Variants in KCNQ1OT1 observed in about 807,000 individuals in gnomAD.
KCNQ1OT1 encodes KCNQ1 opposite strand/antisense transcript 1.
chr11:2,642,036 T>G lies in KCNQ1OT1; in HGVS notation n.57959A>C. 2.5e-6 allele frequency: 1 copy of G among 398,370 alleles called. No homozygotes were observed. The highest frequency in any genetic ancestry group is 4.4e-6 in the Non-Finnish European group (1 of 225,878). 24.7% of individuals were successfully genotyped at this position (398,370 alleles called of 1,614,324 possible). A position where few individuals can be genotyped will look rare whatever the true frequency, so the allele number is the denominator to read the frequency against. On this transcript the variant is annotated non_coding_transcript_exon_variant, in exon 1 of 1. Transcript: ENST00000597346. The surrounding 1 kb of genome is among the most constrained non-coding windows in gnomAD (Gnocchi z 4.3). ...CTGCTTTTAATGCTATAGCCTTATATTTTTAAATCAGGCAGTGTGATGCAT... is the reference window on the plus strand; with the variant it reads ...CTGCTTTTAATGCTATAGCCTTATAGTTTTAAATCAGGCAGTGTGATGCAT...
In KCNQ1OT1 at chr11:2,651,660, C is replaced by T; in HGVS notation, n.48335G>A. 1 of 398,686 alleles carries T rather than the reference C, an allele frequency of 2.5e-6. No individual in the cohort carries two copies. The highest frequency in any genetic ancestry group is 4.4e-6 in the Non-Finnish European group (1 of 226,090). The allele number at this position is 398,686 out of a possible 1,614,324, so 24.7% of individuals were successfully genotyped here. A position where few individuals can be genotyped will look rare whatever the true frequency, so the allele number is the denominator to read the frequency against. ...GGGTCTCTGTCTCTCCCACAGCTCA[C>T]TGACATTAGCCACGTGGCCCTCTGT... On this transcript the variant is annotated non_coding_transcript_exon_variant, in exon 1 of 1. Transcript: ENST00000597346. This position sits in a 1 kb window ranked among gnomAD's most constrained non-coding sequence, Gnocchi z 6.1.
exon 1 of KCNQ1OT1, chr11:2,666,225 C>T (rs918516617): frequency 8.0e-5 from 32 of 398,464 alleles, no homozygotes; most frequent in Middle Eastern, 6.2e-4. Flanking sequence ...AGGGAGCACC[C>T]GGCCCATTGA....
rs112187347 is a variant in KCNQ1OT1 at position 2,690,890 on chromosome 11, G to A, written n.9105C>T. On this transcript the variant is annotated non_coding_transcript_exon_variant, in exon 1 of 1. Coordinates refer to ENST00000597346, the Ensembl canonical transcript of KCNQ1OT1. The surrounding 1 kb of genome is among the most constrained non-coding windows in gnomAD (Gnocchi z 5.1). ...CACAGGAGTGTAAGCCACTGTTTCC[G>A]TCTGGGTTTTGTCATGTGTAGGTCC... 287 of 398,576 alleles carry A rather than the reference G, an allele frequency of 7.2e-4. No homozygotes were observed. The highest frequency in any genetic ancestry group is 5.4e-3 in the African/African-American group (264 of 48,708). The allele number at this position is 398,576 out of a possible 1,614,324, so 24.7% of individuals were successfully genotyped here. A position where few individuals can be genotyped will look rare whatever the true frequency, so the allele number is the denominator to read the frequency against.
At position 2,613,819 on chromosome 11, in the gene KCNQ1OT1, G is replaced by A; in HGVS notation, n.86176C>T. On this transcript the variant is annotated non_coding_transcript_exon_variant, in exon 1 of 1. Coordinates refer to ENST00000597346, the Ensembl canonical transcript of KCNQ1OT1. This position sits in a 1 kb window ranked among gnomAD's most constrained non-coding sequence, Gnocchi z 4.8. ...ATCCTAATTCCCCCTACCCATTATA[G>A]GTAACCAGTTTCAGTGTTTTCTAGT... 5.0e-6 allele frequency: 2 copies of A among 398,378 alleles called. No individual in the cohort carries two copies. The highest frequency in any genetic ancestry group is 4.4e-5 in the Admixed American group (1 of 22,718). 24.7% of individuals were successfully genotyped at this position (398,378 alleles called of 1,614,324 possible).
In KCNQ1OT1 at chr11:2,673,438, G is replaced by A. The variant is rs1850224196; in HGVS notation, n.26557C>T. ...GCACCAGGCCTGGAGGTTCCAACTT[G>A]GTGTTGGGCCTCCTTGAGCCGGAAC... On this transcript the variant is annotated non_coding_transcript_exon_variant, in exon 1 of 1. Transcript: ENST00000597346. The surrounding 1 kb of genome is among the most constrained non-coding windows in gnomAD (Gnocchi z 4.5). 7.5e-6 allele frequency: 3 copies of A among 398,562 alleles called. No homozygotes were observed. Among genetic ancestry groups the A allele is most frequent in the African/African-American group, 2.1e-5 (1 of 48,638 alleles). 24.7% of individuals were successfully genotyped at this position (398,562 alleles called of 1,614,324 possible).
Position 2,670,788 on chromosome 11 carries a change from T to A in KCNQ1OT1, n.29207A>T, listed in dbSNP as rs903345717. 2.8e-5 allele frequency: 11 copies of A among 398,404 alleles called. No homozygotes were observed. Among genetic ancestry groups the A allele is most frequent in the African/African-American group, 1.9e-4 (9 of 48,564 alleles). 24.7% of individuals were successfully genotyped at this position (398,404 alleles called of 1,614,324 possible). ...TTGTGGCTGCCCTCTGCAATAAGAA[T>A]TCTTCAAGTTCAGCCTCTATGTGCA... On this transcript the variant is annotated non_coding_transcript_exon_variant, in exon 1 of 1. Coordinates refer to ENST00000597346, the Ensembl canonical transcript of KCNQ1OT1. This position sits in a 1 kb window ranked among gnomAD's most constrained non-coding sequence, Gnocchi z 4.9.
At chr11:2,693,992 G>T in exon 1 of KCNQ1OT1, 1 of 398,706 alleles carries the variant, frequency 2.5e-6, no homozygotes, top group Non-Finnish European at 4.4e-6. Context: ...GCCCAGCCCG[G>T]CCTCTCTAGG....
exon 1 of KCNQ1OT1, chr11:2,694,088 T>G (rs573608139): frequency 1.3e-5 from 5 of 398,666 alleles, no homozygotes; most frequent in South Asian, 2.5e-4. Context: ...ACTAAACCTC[T>G]GGGTGGCAGC....
In KCNQ1OT1 at chr11:2,661,996, C is replaced by A. The variant is rs1162587598; in HGVS notation, n.37999G>T. The A allele has an allele frequency of 6.2e-7, 1 of 1,614,072 alleles. No homozygotes were observed. The highest frequency in any genetic ancestry group is 8.5e-7 in the Non-Finnish European group (1 of 1,180,034). Reference sequence around the variant, plus strand: ...CCCAACACTGCTGGAAGTGAGCATGCCCCATTTCATGAGAACCAACAGCTT... The same window carrying A: ...CCCAACACTGCTGGAAGTGAGCATGACCCATTTCATGAGAACCAACAGCTT... On this transcript the variant is annotated non_coding_transcript_exon_variant, in exon 1 of 1. Transcript: ENST00000597346. The surrounding 1 kb of genome is among the most constrained non-coding windows in gnomAD (Gnocchi z 5.9).
Position 2,695,890 on chromosome 11 carries a change from C to T in KCNQ1OT1, n.4105G>A, listed in dbSNP as rs1032487054. 8.3e-5 allele frequency: 33 copies of T among 398,660 alleles called. No individual in the cohort carries two copies. Among genetic ancestry groups the T allele is most frequent in the African/African-American group, 5.7e-4 (28 of 48,762 alleles). The allele number at this position is 398,660 out of a possible 1,614,324, so 24.7% of individuals were successfully genotyped here. A position where few individuals can be genotyped will look rare whatever the true frequency, so the allele number is the denominator to read the frequency against. ...GTTAACCCTCCTGCAAACTGGCAAT[C>T]TTCCTACCTTTTTCTTAATGATTTG... On this transcript the variant is annotated non_coding_transcript_exon_variant, in exon 1 of 1. Coordinates refer to ENST00000597346, the Ensembl canonical transcript of KCNQ1OT1. The surrounding 1 kb of genome is among the most constrained non-coding windows in gnomAD (Gnocchi z 5.2).
rs1850218279 is a variant in KCNQ1OT1 at position 2,673,213 on chromosome 11, A to C, written n.26782T>G. 5.0e-6 allele frequency: 2 copies of C among 398,612 alleles called. No homozygotes were observed. The highest frequency in any genetic ancestry group is 8.8e-5 in the Admixed American group (2 of 22,738). 24.7% of individuals were successfully genotyped at this position (398,612 alleles called of 1,614,324 possible). A position where few individuals can be genotyped will look rare whatever the true frequency, so the allele number is the denominator to read the frequency against. ...GCCAAAAGCCGAACTGTGACTAGGC[A>C]AGCTGAGTCCCCTGTAGATTCTGGG... On this transcript the variant is annotated non_coding_transcript_exon_variant, in exon 1 of 1. Transcript: ENST00000597346. This position sits in a 1 kb window ranked among gnomAD's most constrained non-coding sequence, Gnocchi z 4.5.
chr11:2,648,645 A>G, exon 1 of KCNQ1OT1: 1 of 398,520 alleles, frequency 2.5e-6, no homozygotes, highest in Non-Finnish European at 4.4e-6. Context: ...ATACTTGATA[A>G]GATTTTGACT....
At position 2,611,558 on chromosome 11, in the gene KCNQ1OT1, T is replaced by C; in HGVS notation, n.88437A>G. ...AGTCACTCTAGCTTTCTTATTACTG[T>C]TTGCATGTCATCTTTTTCCATCATT... On this transcript the variant is annotated non_coding_transcript_exon_variant, in exon 1 of 1. Transcript: ENST00000597346. The surrounding 1 kb of genome is among the most constrained non-coding windows in gnomAD (Gnocchi z 5.3). 1 of 398,586 alleles carries C rather than the reference T, an allele frequency of 2.5e-6. No individual in the cohort carries two copies. 24.7% of individuals were successfully genotyped at this position (398,586 alleles called of 1,614,324 possible). A position where few individuals can be genotyped will look rare whatever the true frequency, so the allele number is the denominator to read the frequency against.
chr11:2,646,087 C>G (rs1016683482), exon 1 of KCNQ1OT1: 2 of 398,542 alleles, frequency 5.0e-6, no homozygotes, highest in African/African-American at 4.1e-5. Context: ...AGCAGACTGC[C>G]TGACTCCCCT....
In KCNQ1OT1 at chr11:2,626,356, C is replaced by T. The variant is rs574005433; in HGVS notation, n.73639G>A. The T allele has an allele frequency of 4.5e-5, 18 of 398,532 alleles. No individual in the cohort carries two copies. The highest frequency in any genetic ancestry group is 6.6e-5 in the Non-Finnish European group (15 of 226,074). 24.7% of individuals were successfully genotyped at this position (398,532 alleles called of 1,614,324 possible). ...GGTCTCAACTTCAGTTATCCTGGCACCATTTGTTGAAAATACAGCACTTTC... is the reference window on the plus strand; with the variant it reads ...GGTCTCAACTTCAGTTATCCTGGCATCATTTGTTGAAAATACAGCACTTTC... On this transcript the variant is annotated non_coding_transcript_exon_variant, in exon 1 of 1. Coordinates refer to ENST00000597346, the Ensembl canonical transcript of KCNQ1OT1. This position sits in a 1 kb window ranked among gnomAD's most constrained non-coding sequence, Gnocchi z 4.0.
rs529514411 is a variant in KCNQ1OT1, at chr11:2,666,376, A to G, written n.33619T>C. The G allele has an allele frequency of 1.7e-3, 676 of 398,692 alleles. 6 individuals carry two copies. In the South Asian group the frequency reaches 0.018, roughly 10 times the overall value. 24.7% of individuals were successfully genotyped at this position (398,692 alleles called of 1,614,324 possible). A position where few individuals can be genotyped will look rare whatever the true frequency, so the allele number is the denominator to read the frequency against. ...ATGTGCTTGCCTGGCCTCTTGTGAC[A>G]TGACAGCTTCGCAAATCCTTGAGCA... On this transcript the variant is annotated non_coding_transcript_exon_variant, in exon 1 of 1. Transcript: ENST00000597346.
At chr11:2,689,514 T>C (rs1032597531) in exon 1 of KCNQ1OT1, 2 of 398,690 alleles carry the variant, frequency 5.0e-6, no homozygotes, top group Non-Finnish European at 8.8e-6. Flanking sequence ...CCTTGTTTTA[T>C]GGTCCCTGTC....
rs952915305 is a variant in KCNQ1OT1, at chr11:2,662,344, C to T, written n.37651G>A. On this transcript the variant is annotated non_coding_transcript_exon_variant, in exon 1 of 1. Coordinates refer to ENST00000597346, the Ensembl canonical transcript of KCNQ1OT1. The stretch of plus-strand genomic sequence containing the variant: ...TGATCATTTTCCACTTGTTTTCATG[C>T]TTTGAGAGTCTGAGATTGTTTTTCT... The T allele has an allele frequency of 8.8e-6, 5 of 567,208 alleles. No homozygotes were observed. In the African/African-American group the frequency reaches 9.4e-5, roughly 11 times the overall value. 35.1% of individuals were successfully genotyped at this position (567,208 alleles called of 1,614,324 possible).
exon 1 of KCNQ1OT1, chr11:2,625,076 T>G (rs1312025386): frequency 2.5e-6 from 1 of 398,538 alleles, no homozygotes; most frequent in Non-Finnish European, 4.4e-6. Flanking sequence ...AGACTGCTTT[T>G]AATCCTTCTG....
Sources: gnomAD v4.1 joint callset for allele counts on GRCh38, gnomAD v4.1.1 for gene constraint, Gnocchi (gnomAD v3.1) non-coding constraint, MANE v1.5 for transcripts, NCBI Gene and HGNC (gene_info 2026-07-23, HGNC 2026-07-21) for gene names.